The following SYVN1 variants were observed in gnomAD, a reference collection of about 807,000 sequenced individuals.
SYVN1 encodes the protein E3 ubiquitin-protein ligase synoviolin.
In SYVN1, 17 loss-of-function variants were observed where a neutral mutation model predicts 62.6. The ratio of observed to expected loss-of-function variants is 0.27; its 90% CI spans 0.19 to 0.41. SYVN1 has a LOEUF of 0.41. SYVN1 is among the 10% of genes least tolerant of loss of function. SYVN1 has a pLI of 1.00. For synonymous variants in SYVN1, 316 were observed against 304.0 expected, an observed-to-expected ratio of 1.04 and a Z score of -0.41; for missense variants, 634 against 818.0, an observed-to-expected ratio of 0.78 and a Z score of 2.74.
intron 3 of SYVN1, 36 bp from the exon 4 acceptor site, chr11:65,133,110 C>T (rs1443379681): frequency 6.2e-7 from 1 of 1,614,074 alleles, no homozygotes; most frequent in Non-Finnish European, 8.5e-7. Flanking sequence ...GGATACCAAA[C>T]ATTCTTTCCC....
At chr11:65,128,830 C>T (rs1277446468) in intron 14 of SYVN1, 116 bp from the exon 15 acceptor site, 15 of 1,149,028 alleles carry the variant, frequency 1.3e-5, no homozygotes, top group Non-Finnish European at 1.8e-5. Flanking sequence ...CCTTGTGGCC[C>T]CAGTGCCTGG....
In SYVN1 at chr11:65,130,645, CA is replaced by C; in HGVS notation, c.1105+14del. The C allele has an allele frequency of 6.8e-7, 1 of 1,480,016 alleles. No homozygotes were observed. Among genetic ancestry groups the C allele is most frequent in the Non-Finnish European group, 8.9e-7 (1 of 1,124,534 alleles). The allele number at this position is 1,480,016 out of a possible 1,614,324, so 91.7% of individuals were successfully genotyped here. The stretch of plus-strand genomic sequence containing the variant: ...TCCAGTGGTATGCCGGGTGGCCAGA[CA>C]AGGGGATACTCACAGTTGGGGGGCT... On this transcript the variant is annotated intron_variant, in intron 11 of 15. Coordinates refer to ENST00000377190, the MANE Select transcript of SYVN1 (RefSeq NM_172230.3).
chr11:65,134,355 C>G (rs1456424370), intron 1 of SYVN1, 101 bp downstream of exon 1: 1 of 152,748 alleles, frequency 6.5e-6, no homozygotes, highest in East Asian at 1.9e-4. Context: ...AGGCCGAAAG[C>G]GTGCGGCGGG....
At chr11:65,129,428 A>G in intron 14 of SYVN1, 1 of 307,754 alleles carries the variant, frequency 3.2e-6, no homozygotes, top group Middle Eastern at 9.2e-4. Context: ...TCAGAAGAAT[A>G]TCATGTGATG....
In SYVN1 at chr11:65,130,306, A is replaced by G; in HGVS notation, c.1179T>C (p.Pro393=). ...CTCCTGAGCTGGGGGGAGGCGGGAC[A>G]GGTGGAAAGGGGCCCATGGGGGGCC... The part of the protein sequence containing the change: ...PLWPPMGPFP[P]VPPPPSSGEA... Residue 393 remains proline, a synonymous_variant, in exon 12 of 16, where the codon CCT becomes CCC. Coordinates refer to ENST00000377190, the MANE Select transcript of SYVN1 (RefSeq NM_172230.3). 1 of 1,589,840 alleles carries G rather than the reference A, an allele frequency of 6.3e-7. No homozygotes were observed. The highest frequency in any genetic ancestry group is 8.6e-7 in the Non-Finnish European group (1 of 1,168,084).
chr11:65,127,282 T>G lies in SYVN1; in HGVS notation c.*1100A>C. Reference sequence around the variant, plus strand: ...TCTGTGACACAAACCCCACCAATTGTTAATGCAAGTTTTTATTTGGCTGTA... The same window carrying G: ...TCTGTGACACAAACCCCACCAATTGGTAATGCAAGTTTTTATTTGGCTGTA... On this transcript the variant is annotated 3_prime_UTR_variant, in exon 16 of 16. Coordinates refer to ENST00000377190, the MANE Select transcript of SYVN1 (RefSeq NM_172230.3). 2.2e-6 allele frequency: 1 copy of G among 461,096 alleles called. No individual in the cohort carries two copies. Among genetic ancestry groups the G allele is most frequent in the South Asian group, 4.5e-5 (1 of 22,106 alleles). 28.6% of individuals were successfully genotyped at this position (461,096 alleles called of 1,614,324 possible).
Position 65,128,587 on chromosome 11 carries a change from C to T in SYVN1, c.1723G>A (p.Ala575Thr). ...CCTGGAGGCCTTTCCATTTCAGGGG[C>T]TGGTGGGGAGGCTCCTGGGGTTGGG... Reference protein sequence around the residue: ...TTPTPGASPPAPEMERPPAPE... With the variant: ...TTPTPGASPPTPEMERPPAPE... Residue 575 changes from alanine (A) to threonine (T), a missense_variant, in exon 15 of 16, where the codon GCC becomes ACC. Ala to Thr is a moderately conservative substitution (Grantham distance 58). Coordinates refer to ENST00000377190, the MANE Select transcript of SYVN1 (RefSeq NM_172230.3). 1.2e-6 allele frequency: 2 copies of T among 1,614,074 alleles called. No individual in the cohort carries two copies. The highest frequency in any genetic ancestry group is 1.7e-6 in the Non-Finnish European group (2 of 1,179,996).
In SYVN1 at chr11:65,130,748, T is replaced by C. The variant is rs1373888535; in HGVS notation, c.1017A>G (p.Pro339=). The stretch of plus-strand genomic sequence containing the variant: ...GCTCCGGGGGTGGTGGTGACTGCGC[T>C]GGCAGCGATGCACGAAGGACATCCA... The part of the protein sequence containing the change: ...CRMDVLRASL[P]AQSPPPPEPA... Residue 339 remains proline (P), a synonymous_variant, in exon 11 of 16, where the codon CCA becomes CCG. Transcript: ENST00000377190. 1.3e-6 allele frequency: 2 copies of C among 1,534,700 alleles called. No homozygotes were observed. The highest frequency in any genetic ancestry group is 1.7e-6 in the Non-Finnish European group (2 of 1,145,400).
chr11:65,128,278 C>G lies in SYVN1; in HGVS notation c.*104G>C, dbSNP rs1259994139. 1.1e-6 allele frequency: 1 copy of G among 948,140 alleles called. No homozygotes were observed. The highest frequency in any genetic ancestry group is 1.6e-5 in the African/African-American group (1 of 61,674). The allele number at this position is 948,140 out of a possible 1,614,324, so 58.7% of individuals were successfully genotyped here. On this transcript the variant is annotated 3_prime_UTR_variant, in exon 16 of 16. Coordinates refer to ENST00000377190, the MANE Select transcript of SYVN1 (RefSeq NM_172230.3). Reference sequence around the variant, plus strand: ...CGCCTCTTTCTCAGAGCTGGGGGTACTACTCCCTGGTGCAGACAGAGAGGG... The same window carrying G: ...CGCCTCTTTCTCAGAGCTGGGGGTAGTACTCCCTGGTGCAGACAGAGAGGG...
In SYVN1 at chr11:65,133,224, A is replaced by C; in HGVS notation, c.161T>G (p.Val54Gly). The C allele has an allele frequency of 6.2e-7, 1 of 1,614,222 alleles. No individual in the cohort carries two copies. The highest frequency in any genetic ancestry group is 8.5e-7 in the Non-Finnish European group (1 of 1,180,038). ...GCCCATCACCTTGCCCAGAAGGAAG[A>C]CAAGGACAAAGGCCTGGATGTACAG... ...AVLYIQAFVL[V>G]FLLGKVMGKV... Residue 54 changes from valine to glycine, a missense_variant, in exon 3 of 16, where the codon GTC (valine) becomes GGC (glycine). Coordinates refer to ENST00000377190, the MANE Select transcript of SYVN1 (RefSeq NM_172230.3).
At chr11:65,132,402 CA>C in intron 5 of SYVN1, 51 bp from the exon 6 acceptor site, 1 of 1,318,534 alleles carries the variant, frequency 7.6e-7, no homozygotes, top group Non-Finnish European at 1.1e-6. Flanking sequence ...CAGGGCCCAA[CA>C]GCTGTTTAAT....
chr11:65,130,342 C>A lies in SYVN1; in HGVS notation c.1143G>T (p.Met381Ile). 1.3e-6 allele frequency: 2 copies of A among 1,563,540 alleles called. No individual in the cohort carries two copies. Among genetic ancestry groups the A allele is most frequent in the Non-Finnish European group, 1.7e-6 (2 of 1,156,878 alleles). Residue 381 changes from methionine to isoleucine, a missense_variant, in exon 12 of 16, where the codon ATG (methionine) becomes ATT (isoleucine). Around this residue, in one of 2 missense-constraint regions of SYVN1, gnomAD observed 351 missense variants for 373.3 expected, o/e 0.94. Transcript: ENST00000377190. The part of the protein sequence containing the change: ...QGLLPPFPPG[M>I]FPLWPPMGPF... Reference sequence around the variant, plus strand: ...GGCCCATGGGGGGCCACAGTGGGAACATGCCTGGAGGAAAAGGAGGCAGGA... The same window carrying A: ...GGCCCATGGGGGGCCACAGTGGGAAAATGCCTGGAGGAAAAGGAGGCAGGA...
intron 10 of SYVN1, 29 bp from the exon 11 acceptor site, chr11:65,130,852 C>G: frequency 6.3e-7 from 1 of 1,599,900 alleles, no homozygotes; most frequent in Non-Finnish European, 8.5e-7. Flanking sequence ...CAGAGGTCAG[C>G]AGGTCCCTAG....
intron 1 of SYVN1, 52 bp downstream of exon 1, chr11:65,134,404 G>T (rs1216212134): frequency 1.3e-5 from 2 of 152,738 alleles, no homozygotes; most frequent in African/African-American, 4.8e-5. Context: ...TCAAGGGGAA[G>T]GTTCGGGTCC....
At chr11:65,132,170 G>T in intron 6 of SYVN1, 78 bp downstream of exon 6, 1 of 1,152,538 alleles carries the variant, frequency 8.7e-7, no homozygotes, top group Non-Finnish European at 1.3e-6. Flanking sequence ...AGGTGCTGAG[G>T]AAGGGTCTGT....
chr11:65,133,881 T>G (rs944050125), intron 1 of SYVN1, among the ~76,000 whole-genome samples: 6 of 152,176 alleles, frequency 3.9e-5, no homozygotes, highest in Admixed American at 3.9e-4. Flanking sequence ...CCAAGCCGCC[T>G]CCTCTAGGGA....
In SYVN1 at chr11:65,131,013, T is replaced by C; in HGVS notation, c.848A>G (p.Glu283Gly). 1 of 1,614,114 alleles carries C rather than the reference T, an allele frequency of 6.2e-7. No individual in the cohort carries two copies. The highest frequency in any genetic ancestry group is 1.1e-5 in the South Asian group (1 of 91,086). The change falls in exon 10 of 16, where the codon GAG (glutamate) becomes GGG (glycine). Residue 283 changes from glutamate (E) to glycine (G), a missense_variant. Physicochemically the swap from Glu to Gly is moderately conservative, Grantham distance 98 (BLOSUM62 -2). Transcript: ENST00000377190. Reference sequence around the variant, plus strand: ...GCAGACATTGTCCATTGCCTGGAGCTCCTCTGGGGTGGCATCTGGATACCT... The same window carrying C: ...GCAGACATTGTCCATTGCCTGGAGCCCCTCTGGGGTGGCATCTGGATACCT... ...NTLYPDATPEELQAMDNVCII... is the reference protein window; with the variant it reads ...NTLYPDATPEGLQAMDNVCII...
chr11:65,131,539 C>G lies in SYVN1; in HGVS notation c.589G>C (p.Val197Leu). 1 of 1,613,996 alleles carries G rather than the reference C, an allele frequency of 6.2e-7. No homozygotes were observed. Among genetic ancestry groups the G allele is most frequent in the South Asian group, 1.1e-5 (1 of 91,084 alleles). Reference sequence around the variant, plus strand: ...CAGGGGTTCTCACTCTGGAGGTCCACGGAGTGCAGCACATACTTGATGAAG... The same window carrying G: ...CAGGGGTTCTCACTCTGGAGGTCCAGGGAGTGCAGCACATACTTGATGAAG... Reference protein sequence around the residue: ...TIFIKYVLHSVDLQSENPWDN... With the variant: ...TIFIKYVLHSLDLQSENPWDN... Residue 197 changes from valine to leucine, a missense_variant, in exon 7 of 16, where the codon GTG becomes CTG. By Grantham distance (32) the Val-to-Leu change is conservative. Transcript: ENST00000377190.
chr11:65,133,948 G>A (rs1948214154), intron 1 of SYVN1, among the ~76,000 whole-genome samples: 2 of 152,234 alleles, frequency 1.3e-5, no homozygotes, highest in South Asian at 2.1e-4. Flanking sequence ...CTGACCCTCC[G>A]GTGGAGAAGA....
Sources: gnomAD v4.1 joint callset for allele counts (sites outside exome capture counted in the v4.1 genomes callset) on GRCh38, gnomAD v4.1.1 for gene constraint, gnomAD v4.1.1 regional missense constraint, MANE v1.5 for transcripts, NCBI Gene and HGNC (gene_info 2026-07-23, HGNC 2026-07-21) for gene names.